Variants in NPIPB2 observed in about 807,000 individuals in gnomAD.
The protein encoded by NPIPB2 is nuclear pore complex interacting protein family member B2.
Under a neutral mutation model 30.8 loss-of-function variants are expected in NPIPB2, and 27 were observed. The observed-to-expected ratio is 0.88, with a 90% CI of 0.65 to 1.21. The LOEUF is 1.21. NPIPB2 is among the 50% of genes most tolerant of loss of function. The pLI is 0.00. For synonymous variants in NPIPB2, 147 were observed against 162.0 expected, an observed-to-expected ratio of 0.91 and a Z score of 0.70; for missense variants, 440 against 446.2, an observed-to-expected ratio of 0.99 and a Z score of 0.13.
intron 1 of NPIPB2, among the ~76,000 whole-genome samples, chr16:11,947,574 G>C (rs1429549816): frequency 6.6e-6 from 1 of 151,592 alleles, no homozygotes. Context: ...TCAATCTCCT[G>C]ACCTCGTGAT....
At chr16:11,960,353 C>CT (rs35099223) in intron 1 of NPIPB2, among the ~76,000 whole-genome samples, 14,977 of 126,360 alleles carry the variant, frequency 0.12, 1,127 homozygotes, top group East Asian at 0.22. Context: ...GTATGGTTCC[C>CT]TTTTTTTTTT....
At chr16:11,965,255 T>G in intron 1 of NPIPB2, 1 of 1,585,542 alleles carries the variant, frequency 6.3e-7, no homozygotes, top group East Asian at 2.3e-5. Context: ...TGCTCTGGAA[T>G]TCTTGTAGAG....
chr16:11,931,846 A>G (rs1187821990), intron 4 of NPIPB2, among the ~76,000 whole-genome samples: 2 of 152,152 alleles, frequency 1.3e-5, no homozygotes, highest in African/African-American at 4.8e-5. Context: ...AGAGGTGAAG[A>G]TGGAGAAGAA....
At chr16:11,964,283 G>A (rs985078641) in intron 1 of NPIPB2, among the ~76,000 whole-genome samples, 4 of 151,984 alleles carry the variant, frequency 2.6e-5, no homozygotes, top group African/African-American at 7.2e-5. Flanking sequence ...ATAGATTATT[G>A]TATTATTATT....
At chr16:11,948,766 C>CAAAAAAAAAAA (rs34639444) in intron 1 of NPIPB2, among the ~76,000 whole-genome samples, 12 of 67,236 alleles carry the variant, frequency 1.8e-4, no homozygotes, top group East Asian at 5.4e-4. Flanking sequence ...GACTCCGTCT[C>CAAAAAAAAAAA]AAAAAAAAAA....
intron 1 of NPIPB2, among the ~76,000 whole-genome samples, chr16:11,955,032 A>G (rs1449141847): frequency 6.6e-6 from 1 of 152,194 alleles, no homozygotes; most frequent in Non-Finnish European, 1.5e-5. Flanking sequence ...ACGTACCTAC[A>G]TCTGCCTCTC....
chr16:11,972,702 G>A (rs974430635), intron 1 of NPIPB2, among the ~76,000 whole-genome samples: 9 of 151,094 alleles, frequency 6.0e-5, no homozygotes, highest in Non-Finnish European at 1.2e-4. Flanking sequence ...GTGAAACCCC[G>A]TCTCTACTAG....
Position 11,951,227 on chromosome 16 carries a change from C to T in NPIPB2, c.-583-9113G>A, listed in dbSNP as rs796587186. Reference sequence around the variant, plus strand: ...ATCCCAGCACTTTGAGAGGCCGAGGCGGGTGGATCACAAGGTCAGGAGATC... The same window carrying T: ...ATCCCAGCACTTTGAGAGGCCGAGGTGGGTGGATCACAAGGTCAGGAGATC... On this transcript the variant is annotated intron_variant, in intron 1 of 5. Coordinates refer to the NPIPB2 transcript ENST00000538896. 6.6e-5 allele frequency among the ~76,000 whole-genome samples: 10 copies of T among 151,544 alleles called. No homozygotes were observed. The East Asian group carries it at 7.7e-4, about 12-fold the overall frequency.
intron 3 of NPIPB2, 47 bp downstream of exon 3, chr16:11,933,778 C>A: frequency 2.5e-6 from 4 of 1,594,454 alleles, no homozygotes; most frequent in Non-Finnish European, 3.4e-6. Context: ...TTTCCCTTTC[C>A]AGGGCAAACT....
chr16:11,972,162 A>C (rs2055239921), intron 1 of NPIPB2, among the ~76,000 whole-genome samples: 1 of 152,042 alleles, frequency 6.6e-6, no homozygotes, highest in Non-Finnish European at 1.5e-5. Flanking sequence ...AAACAAAAAC[A>C]AACCAACAAA....
At chr16:11,943,177 G>A (rs148484161), upstream of NPIPB2, among the ~76,000 whole-genome samples, 432 of 152,118 alleles carry the variant, frequency 2.8e-3, 4 homozygotes, top group African/African-American at 1.0e-2. Flanking sequence ...AAATTAGCTG[G>A]GTGTGGTGGT....
chr16:11,963,320 C>T (rs1438513500), intron 1 of NPIPB2, among the ~76,000 whole-genome samples: 3 of 147,676 alleles, frequency 2.0e-5, no homozygotes, highest in Non-Finnish European at 4.4e-5. Context: ...GTGGAGGTTG[C>T]AGTGAGCCGA....
chr16:11,931,885 AT>A (rs1188693292), intron 4 of NPIPB2, among the ~76,000 whole-genome samples: 2 of 152,194 alleles, frequency 1.3e-5, no homozygotes, highest in Non-Finnish European at 2.9e-5. Context: ...TCAGCTTCGC[AT>A]TTGGAACCCA....
At chr16:11,938,377 CTGGAGTGCAG>C (rs1274040943) in intron 1 of NPIPB2, among the ~76,000 whole-genome samples, 1 of 152,006 alleles carries the variant, frequency 6.6e-6, no homozygotes, top group African/African-American at 2.4e-5. Context: ...GTCACCCAGG[CTGGAGTGCAG>C]TGGTGTGCTC....
chr16:11,976,600 G>A (rs1033482617), exon 1 of NPIPB2: 13 of 364,806 alleles, frequency 3.6e-5, no homozygotes, highest in South Asian at 1.4e-4. Flanking sequence ...CCTCAGCACC[G>A]CTCTCCACAC....
At chr16:11,974,272 C>T (rs773974259) in intron 1 of NPIPB2, among the ~76,000 whole-genome samples, 2 of 151,982 alleles carry the variant, frequency 1.3e-5, no homozygotes, top group Non-Finnish European at 2.9e-5. Flanking sequence ...AATCCCAGCA[C>T]TTTGGGAGGC....
chr16:11,965,189 C>A (rs1353633544), intron 1 of NPIPB2: 4 of 1,131,696 alleles, frequency 3.5e-6, no homozygotes, highest in Non-Finnish European at 5.1e-6. Flanking sequence ...CCCGTAAGAA[C>A]CCACGAAGCA....
intron 1 of NPIPB2, among the ~76,000 whole-genome samples, chr16:11,955,899 G>A (rs1157167897): frequency 6.6e-6 from 1 of 151,086 alleles, no homozygotes; most frequent in Non-Finnish European, 1.5e-5. Flanking sequence ...CTCTCGTTTT[G>A]CAAACAGGAA....
chr16:11,951,667 C>CA (rs2055066528), intron 1 of NPIPB2, among the ~76,000 whole-genome samples: 11 of 82,380 alleles, frequency 1.3e-4, no homozygotes, highest in South Asian at 7.8e-4. Flanking sequence ...CACACACACA[C>CA]CCAGCCCCCA....
Sources: gnomAD v4.1 joint callset for allele counts (sites outside exome capture counted in the v4.1 genomes callset) on GRCh38, gnomAD v4.1.1 for gene constraint, MANE v1.5 for transcripts, NCBI Gene and HGNC (gene_info 2026-07-23, HGNC 2026-07-21) for gene names.